NEBL: variants seen among roughly 807,000 people sequenced by gnomAD.
NEBL encodes the protein LIM and SH3 protein 2.
NEBL carries 122 observed loss-of-function variants against 140.2 expected under a neutral mutation model. The ratio of observed to expected loss-of-function variants is 0.87; its 90% CI spans 0.75 to 1.01. NEBL has a LOEUF of 1.01. NEBL is among the 50% of genes least tolerant of loss of function. The pLI is 0.00. For missense variants in NEBL, 1,365 were observed against 1,231.3 expected (o/e 1.11, Z -1.62); for synonymous variants, 436 against 398.9 (o/e 1.09, Z -1.11).
intron 4 of NEBL, among the ~76,000 whole-genome samples, chr10:20,944,674 G>A (rs759041182): frequency 3.3e-5 from 5 of 152,170 alleles, no homozygotes; most frequent in African/African-American, 4.8e-5. Context: ...CAGTTGGAGC[G>A]TGAGCACACC....
intron 3 of NEBL, among the ~76,000 whole-genome samples, chr10:20,993,266 A>G (rs1398000241): frequency 1.3e-5 from 2 of 152,220 alleles, no homozygotes; most frequent in African/African-American, 4.8e-5. Context: ...AGCAAAGGAC[A>G]TTACCACATT....
chr10:20,976,744 G>A (rs766796817), intron 3 of NEBL, among the ~76,000 whole-genome samples: 3 of 151,866 alleles, frequency 2.0e-5, no homozygotes, highest in Non-Finnish European at 4.4e-5. Flanking sequence ...GCAAAGATGG[G>A]AACAATAGAC....
At chr10:20,870,248 C>T (rs955238294) in intron 5 of NEBL, among the ~76,000 whole-genome samples, 1 of 151,014 alleles carries the variant, frequency 6.6e-6, no homozygotes, top group Non-Finnish European at 1.5e-5. Flanking sequence ...ATCGCTCAAA[C>T]CCGAGAGGCA....
intron 3 of NEBL, among the ~76,000 whole-genome samples, chr10:21,019,634 C>A (rs1244761486): frequency 1.1e-4 from 16 of 152,212 alleles, no homozygotes; most frequent in Non-Finnish European, 2.4e-4. Flanking sequence ...GTGTTCTCAT[C>A]TTTGTTCATG....
At chr10:20,863,946 G>T (rs1305420187) in intron 7 of NEBL, among the ~76,000 whole-genome samples, 1 of 152,152 alleles carries the variant, frequency 6.6e-6, no homozygotes, top group Non-Finnish European at 1.5e-5. Flanking sequence ...TGCTTGCCAG[G>T]ATGGGAGAAT....
chr10:21,231,861 C>G (rs72798592), intron 3 of NEBL, among the ~76,000 whole-genome samples: 6,128 of 152,126 alleles, frequency 0.04, 192 homozygotes, highest in South Asian at 0.14. Flanking sequence ...TGGCCAAGGA[C>G]ACTTCAGAAA....
chr10:21,125,846 C>T, intron 2 of NEBL: 1 of 1,611,776 alleles, frequency 6.2e-7, no homozygotes, highest in Non-Finnish European at 8.5e-7. Flanking sequence ...ATTTTCAGCA[C>T]CTTCTTAGAT....
At chr10:21,078,428 A>G (rs1836204712) in intron 2 of NEBL, among the ~76,000 whole-genome samples, 1 of 152,338 alleles carries the variant, frequency 6.6e-6, no homozygotes, top group Non-Finnish European at 1.5e-5. Flanking sequence ...AATAATATAA[A>G]TGGTTTCCTC....
At chr10:21,258,536 C>T (rs927437831) in intron 1 of NEBL, among the ~76,000 whole-genome samples, 1 of 152,078 alleles carries the variant, frequency 6.6e-6, no homozygotes, top group Non-Finnish European at 1.5e-5. Context: ...GAAACCCCAT[C>T]TCTACTAAAA....
chr10:21,154,040 T>A (rs1345437068), intron 2 of NEBL, among the ~76,000 whole-genome samples: 4 of 152,186 alleles, frequency 2.6e-5, no homozygotes, highest in Admixed American at 2.6e-4. Context: ...TTTGGGAAAC[T>A]GTTTCCTAAA....
At chr10:21,073,482 T>C (rs112689549) in intron 2 of NEBL, among the ~76,000 whole-genome samples, 3,553 of 151,786 alleles carry the variant, frequency 0.023, 143 homozygotes, top group African/African-American at 0.078. Context: ...GCAGGCTTGG[T>C]GGCACGCACT....
intron 2 of NEBL, among the ~76,000 whole-genome samples, chr10:21,144,662 G>A (rs1839806659): frequency 6.6e-6 from 1 of 152,068 alleles, no homozygotes; most frequent in Admixed American, 6.5e-5. Flanking sequence ...GGGAGTTGGA[G>A]GTTGCAATGA....
At chr10:21,211,725 A>T (rs1004218558) in intron 3 of NEBL, among the ~76,000 whole-genome samples, 3 of 152,170 alleles carry the variant, frequency 2.0e-5, no homozygotes, top group African/African-American at 4.8e-5. Flanking sequence ...TGTTGTGACA[A>T]ATGTTTGTTG....
chr10:21,145,390 T>C (rs1564526597), intron 2 of NEBL, among the ~76,000 whole-genome samples: 1 of 152,238 alleles, frequency 6.6e-6, no homozygotes, highest in East Asian at 1.9e-4. Flanking sequence ...AAATAAATGA[T>C]GGAACACCTA....
chr10:21,184,178 AC>A (rs1206919766), intron 3 of NEBL, among the ~76,000 whole-genome samples: 2 of 152,216 alleles, frequency 1.3e-5, no homozygotes, highest in Non-Finnish European at 1.5e-5. Context: ...AGTCCACGTG[AC>A]TATTACTTTT....
chr10:20,885,218 C>T (rs1846399598), intron 4 of NEBL, among the ~76,000 whole-genome samples: 1 of 152,196 alleles, frequency 6.6e-6, no homozygotes, highest in Non-Finnish European at 1.5e-5. Flanking sequence ...CTTTAATTAT[C>T]ATAGATACTG....
chr10:21,285,965 A>G (rs1418475864), intron 1 of NEBL, among the ~76,000 whole-genome samples: 1 of 152,074 alleles, frequency 6.6e-6, no homozygotes, highest in Non-Finnish European at 1.5e-5. Context: ...GCCCTGACCC[A>G]TTCCTCAGGC....
At chr10:20,797,667 C>A (rs1235451373) in intron 26 of NEBL, among the ~76,000 whole-genome samples, 1 of 151,970 alleles carries the variant, frequency 6.6e-6, no homozygotes, top group Non-Finnish European at 1.5e-5. Flanking sequence ...AGATTCCCTG[C>A]CAGGTAGGGA....
At chr10:21,215,163 A>G (rs542333980) in intron 3 of NEBL, among the ~76,000 whole-genome samples, 1 of 152,326 alleles carries the variant, frequency 6.6e-6, no homozygotes, top group Admixed American at 6.5e-5. Flanking sequence ...TGCACAAATT[A>G]GTGGCATGTG....
Sources: gnomAD v4.1 joint callset for allele counts (sites outside exome capture counted in the v4.1 genomes callset) on GRCh38, gnomAD v4.1.1 for gene constraint, MANE v1.5 for transcripts, NCBI Gene and HGNC (gene_info 2026-07-23, HGNC 2026-07-21) for gene names.